ACTR3: variants seen among roughly 807,000 people sequenced by gnomAD.
ACTR3 encodes actin related protein 3, also known as actin-related protein 3.
Under a neutral mutation model 56.8 loss-of-function variants are expected in ACTR3, and 12 were observed. The ratio of observed to expected loss-of-function variants is 0.21; its 90% CI spans 0.14 to 0.34. The LOEUF is 0.34. Among genes scored for constraint, ACTR3 ranks in the 10% least tolerant of loss-of-function variants. ACTR3 has a pLI of 1.00. For synonymous variants in ACTR3, 162 were observed against 167.4 expected, an observed-to-expected ratio of 0.97 and a Z score of 0.25; for missense variants, 282 against 512.5, an observed-to-expected ratio of 0.55 and a Z score of 4.34.
rs745376853 is a variant in ACTR3 at position 113,940,014 on chromosome 2, A to C, written c.596A>C (p.Asp199Ala). ...AAACACATTCCAATCGCAGGACGAGATATAACATATTTTATTCAGCAACTG... is the reference window on the plus strand; with the variant it reads ...AAACACATTCCAATCGCAGGACGAGCTATAACATATTTTATTCAGCAACTG... ...CIKHIPIAGR[D>A]ITYFIQQLLR... Residue 199 changes from aspartate (D) to alanine (A), a missense_variant, in exon 7 of 12, where the codon GAT (aspartate) becomes GCT (alanine). By Grantham distance (126) the Asp-to-Ala change is moderately radical. Transcript: ENST00000263238. 6.2e-7 allele frequency: 1 copy of C among 1,613,382 alleles called. No individual in the cohort carries two copies. The highest frequency in any genetic ancestry group is 8.5e-7 in the Non-Finnish European group (1 of 1,179,648).
intron 8 of ACTR3, among the ~76,000 whole-genome samples, chr2:113,945,618 C>G (rs1574380855): frequency 6.6e-6 from 1 of 152,110 alleles, no homozygotes; most frequent in African/African-American, 2.4e-5. Context: ...CCTACACTTT[C>G]ACCTTGTTTA....
intron 2 of ACTR3, among the ~76,000 whole-genome samples, chr2:113,914,628 AAAAAAGAAAG>A (rs1559466639): frequency 2.0e-5 from 3 of 151,294 alleles, no homozygotes; most frequent in Non-Finnish European, 4.4e-5. Flanking sequence ...AAAAAAAAAA[AAAAAAGAAAG>A]AAAAAGAAAA....
chr2:113,928,493 C>T (rs1679659377), intron 4 of ACTR3, among the ~76,000 whole-genome samples: 1 of 151,876 alleles, frequency 6.6e-6, no homozygotes, highest in Non-Finnish European at 1.5e-5. Context: ...CGGTCTGCAC[C>T]ATTCAGTGGA....
At chr2:113,891,357 G>T (rs1421892301) in intron 1 of ACTR3, among the ~76,000 whole-genome samples, 2 of 151,564 alleles carry the variant, frequency 1.3e-5, no homozygotes, top group South Asian at 4.1e-4. Context: ...TCGTAGATAT[G>T]TAGGGTAGTT....
At chr2:113,931,752 T>C (rs1408558586) in intron 5 of ACTR3, among the ~76,000 whole-genome samples, 1 of 152,142 alleles carries the variant, frequency 6.6e-6, no homozygotes, top group Admixed American at 6.5e-5. Flanking sequence ...ATAAATCTTT[T>C]TGTCCTTTAT....
intron 11 of ACTR3, among the ~76,000 whole-genome samples, chr2:113,956,855 T>C (rs1004634340): frequency 1.3e-5 from 2 of 152,232 alleles, no homozygotes; most frequent in Non-Finnish European, 2.9e-5. Flanking sequence ...GTTGAGTTTG[T>C]GACTTTGCCT....
chr2:113,896,741 G>A (rs1228062966), intron 1 of ACTR3, among the ~76,000 whole-genome samples: 1 of 152,204 alleles, frequency 6.6e-6, no homozygotes, highest in Admixed American at 6.5e-5. Flanking sequence ...GTGGATATGT[G>A]ATCTAGCTTC....
intron 1 of ACTR3, among the ~76,000 whole-genome samples, chr2:113,894,728 A>G (rs912840833): frequency 1.5e-4 from 23 of 152,352 alleles, no homozygotes; most frequent in African/African-American, 4.8e-4. Flanking sequence ...CCTGCTGGCC[A>G]TGCTTTCTGT....
At chr2:113,942,501 G>C in intron 8 of ACTR3, 142 bp downstream of exon 8, 1 of 609,302 alleles carries the variant, frequency 1.6e-6, no homozygotes, top group Non-Finnish European at 2.4e-6. Context: ...AACATTTTAT[G>C]AACTTTTTAA....
At chr2:113,908,693 T>C (rs1679249064) in intron 1 of ACTR3, among the ~76,000 whole-genome samples, 1 of 152,138 alleles carries the variant, frequency 6.6e-6, no homozygotes. Context: ...ACTTGTTTTT[T>C]TTAATTTTCA....
chr2:113,934,232 G>GTT lies in ACTR3; in HGVS notation c.433-36_433-35dup, dbSNP rs5833524. The stretch of plus-strand genomic sequence containing the variant: ...TTTTCGATTAACTCTTTGTTTTTTT[G>GTT]TTTTTTTTTTTTGTTTTTTTGCCTT... On this transcript the variant is annotated intron_variant, in intron 5 of 11. Coordinates refer to ENST00000263238, the MANE Select transcript of ACTR3 (RefSeq NM_005721.5). 3.2e-3 allele frequency: 3,064 copies of GTT among 948,442 alleles called. 1 individual carries two copies. Among genetic ancestry groups the GTT allele is most frequent in the East Asian group, 0.014 (431 of 30,964 alleles). The allele number at this position is 948,442 out of a possible 1,614,324, so 58.8% of individuals were successfully genotyped here. A position where few individuals can be genotyped will look rare whatever the true frequency, so the allele number is the denominator to read the frequency against.
At chr2:113,950,034 G>C (rs1049093295) in intron 8 of ACTR3, among the ~76,000 whole-genome samples, 1 of 152,160 alleles carries the variant, frequency 6.6e-6, no homozygotes, top group Admixed American at 6.5e-5. Flanking sequence ...TGAGAGCGCT[G>C]AATTAGTGAA....
chr2:113,907,025 C>T (rs866162083), intron 1 of ACTR3, among the ~76,000 whole-genome samples: 2 of 152,068 alleles, frequency 1.3e-5, no homozygotes, highest in Admixed American at 6.5e-5. Context: ...ATCTGTGGAT[C>T]GATTTGGGTA....
At chr2:113,898,397 GA>G (rs1208831504) in intron 1 of ACTR3, among the ~76,000 whole-genome samples, 1 of 152,102 alleles carries the variant, frequency 6.6e-6, no homozygotes, top group East Asian at 1.9e-4. Flanking sequence ...TGTCTTTTGG[GA>G]GTGTTCCTAA....
intron 3 of ACTR3, among the ~76,000 whole-genome samples, chr2:113,919,891 G>A (rs1679475827): frequency 6.6e-6 from 1 of 152,106 alleles, no homozygotes; most frequent in South Asian, 2.1e-4. Flanking sequence ...TGGAACCACA[G>A]GCGTGTGCCA....
At chr2:113,953,687 T>TAAATAC (rs1559492859) in intron 10 of ACTR3, 8 of 143,636 alleles carry the variant, frequency 5.6e-5, no homozygotes, top group East Asian at 4.3e-4. Context: ...TAGGTGTGTG[T>TAAATAC]ACACACACAC....
chr2:113,948,716 A>G (rs1047897198), intron 8 of ACTR3, among the ~76,000 whole-genome samples: 2 of 152,158 alleles, frequency 1.3e-5, no homozygotes, highest in African/African-American at 4.8e-5. Context: ...CTGTTTGCTT[A>G]GTGCTAAAAT....
intron 8 of ACTR3, among the ~76,000 whole-genome samples, chr2:113,942,723 C>G (rs757758610): frequency 3.3e-5 from 5 of 151,912 alleles, no homozygotes; most frequent in African/African-American, 9.7e-5. Flanking sequence ...AGCTCCCCCC[C>G]TCCCTATTTG....
intron 1 of ACTR3, among the ~76,000 whole-genome samples, chr2:113,896,056 C>T (rs1432223026): frequency 1.3e-5 from 2 of 152,138 alleles, no homozygotes; most frequent in African/African-American, 4.8e-5. Context: ...GATGGGGTCT[C>T]ACTGTGTTGC....
Sources: allele counts gnomAD v4.1 joint callset (sites outside exome capture counted in the v4.1 genomes callset), GRCh38; gene constraint gnomAD v4.1.1; transcripts MANE v1.5; gene names NCBI Gene and HGNC (gene_info 2026-07-23, HGNC 2026-07-21).